Variants in ZNF407 observed in about 807,000 individuals in gnomAD.
The protein encoded by ZNF407 is zinc finger protein 407.
Under a neutral mutation model 131.2 loss-of-function variants are expected in ZNF407, and 17 were observed. The ratio of observed to expected loss-of-function variants is 0.13; its 90% confidence interval spans 0.09 to 0.19. The LOEUF (loss-of-function observed/expected upper bound fraction) is 0.19. ZNF407 is among the 10% of genes least tolerant of loss of function. The probability of loss-of-function intolerance (pLI) is 1.00; values close to 1 mark genes in which losing one functional copy is unlikely to be tolerated. For synonymous variants in ZNF407, 1,156 were observed against 1,062.0 expected (o/e 1.09, Z -1.72); for missense variants, 2,681 against 2,830.6 (o/e 0.95, Z 1.20).
intron 8 of ZNF407, among the ~76,000 whole-genome samples, chr18:74,973,337 C>G (rs1010029165): frequency 6.6e-6 from 1 of 152,102 alleles, no homozygotes; most frequent in Admixed American, 6.5e-5. Context: ...GCTTCAGTCA[C>G]CAAACATAAT....
chr18:74,791,328 G>C (rs1049674045), intron 4 of ZNF407, among the ~76,000 whole-genome samples: 10 of 152,184 alleles, frequency 6.6e-5, no homozygotes, highest in African/African-American at 2.4e-4. Flanking sequence ...ATATAGAAAT[G>C]CTTCTAGTAT....
chr18:74,767,742 C>T (rs1387215301), intron 3 of ZNF407, among the ~76,000 whole-genome samples: 1 of 148,590 alleles, frequency 6.7e-6, no homozygotes, highest in African/African-American at 2.5e-5. Flanking sequence ...CAAGCTCCGT[C>T]TCCCGGGTTC....
chr18:74,825,299 T>A (rs1195875079), intron 4 of ZNF407, among the ~76,000 whole-genome samples: 2 of 152,166 alleles, frequency 1.3e-5, no homozygotes, highest in Non-Finnish European at 1.5e-5. Context: ...GGATGCCCTC[T>A]CTCACCACTC....
intron 4 of ZNF407, among the ~76,000 whole-genome samples, chr18:74,873,446 G>A (rs901784010): frequency 1.3e-5 from 2 of 152,156 alleles, no homozygotes; most frequent in African/African-American, 4.8e-5. Flanking sequence ...GCCAGAGTCA[G>A]CCCACATTTA....
intron 3 of ZNF407, among the ~76,000 whole-genome samples, chr18:74,688,335 A>G (rs1398071796): frequency 1.3e-5 from 2 of 152,260 alleles, no homozygotes; most frequent in African/African-American, 2.4e-5. Context: ...GATGCAAAGT[A>G]TAAGATATCT....
intron 7 of ZNF407, among the ~76,000 whole-genome samples, chr18:74,906,892 G>A (rs550375824): frequency 6.6e-6 from 1 of 152,258 alleles, no homozygotes; most frequent in Non-Finnish European, 1.5e-5. Context: ...CATACTGTAT[G>A]TGTATACGTA....
chr18:74,636,238 G>A (rs937504434), intron 2 of ZNF407, among the ~76,000 whole-genome samples: 6 of 152,166 alleles, frequency 3.9e-5, no homozygotes, highest in African/African-American at 1.4e-4. Flanking sequence ...AACATGTGCT[G>A]GGGATCTGGT....
intron 8 of ZNF407, among the ~76,000 whole-genome samples, chr18:75,025,852 A>G (rs1973164868): frequency 6.6e-6 from 1 of 152,222 alleles, no homozygotes; most frequent in Non-Finnish European, 1.5e-5. Context: ...GGCCTCCTAA[A>G]TGAGATCTTA....
intron 3 of ZNF407, among the ~76,000 whole-genome samples, chr18:74,725,292 ACAC>A (rs1198285295): frequency 1.3e-5 from 2 of 152,232 alleles, no homozygotes; most frequent in East Asian, 3.9e-4. Flanking sequence ...ACACACCGCC[ACAC>A]CTAGACAATT....
At position 74,634,380 on chromosome 18, in the gene ZNF407, T is replaced by A; in HGVS notation, c.3361T>A (p.Ser1121Thr). 6.2e-7 allele frequency: 1 copy of A among 1,613,774 alleles called. No individual in the cohort carries two copies. Among genetic ancestry groups the A allele is most frequent in the Non-Finnish European group, 8.5e-7 (1 of 1,179,884 alleles). Residue 1121 changes from serine (S) to threonine (T), a missense_variant, in exon 2 of 9, where the codon TCT becomes ACT. This residue lies in a region of ZNF407 where 1,789 missense variants were observed against 1,748.7 expected (regional missense o/e 1.02). Transcript: ENST00000299687. Reference protein sequence around the residue: ...ISGQPSDTLKSRNAADCSILN... With the variant: ...ISGQPSDTLKTRNAADCSILN... Reference sequence around the variant, plus strand: ...AGGTCAACCATCTGATACTCTTAAATCTAGAAATGCTGCAGATTGCTCTAT... The same window carrying A: ...AGGTCAACCATCTGATACTCTTAAAACTAGAAATGCTGCAGATTGCTCTAT...
chr18:74,776,181 C>G (rs1007516620), intron 3 of ZNF407, among the ~76,000 whole-genome samples: 1 of 152,202 alleles, frequency 6.6e-6, no homozygotes, highest in African/African-American at 2.4e-5. Context: ...CTTAAGGGAA[C>G]CTGTTTGCCC....
At chr18:74,685,842 C>G (rs960481053) in intron 3 of ZNF407, among the ~76,000 whole-genome samples, 8 of 152,140 alleles carry the variant, frequency 5.3e-5, no homozygotes, top group African/African-American at 1.9e-4. Flanking sequence ...CTCCTGTTTC[C>G]CTTTGCCCCC....
chr18:74,741,875 GTTGGA>G (rs953162003), intron 3 of ZNF407, among the ~76,000 whole-genome samples: 35 of 152,084 alleles, frequency 2.3e-4, no homozygotes, highest in African/African-American at 5.6e-4. Context: ...AAGCTGCCCA[GTTGGA>G]TTTTACAATT....
intron 3 of ZNF407, among the ~76,000 whole-genome samples, chr18:74,738,513 G>T (rs1339974379): frequency 6.6e-6 from 1 of 151,052 alleles, no homozygotes; most frequent in Non-Finnish European, 1.5e-5. Context: ...GCCAAGGCGG[G>T]TGGATCACGA....
At chr18:74,864,144 T>C (rs918910413) in intron 4 of ZNF407, among the ~76,000 whole-genome samples, 2 of 152,120 alleles carry the variant, frequency 1.3e-5, no homozygotes, top group African/African-American at 4.8e-5. Flanking sequence ...GCCACATAGA[T>C]TGATTAGTTT....
At chr18:75,019,461 A>C (rs1973081510) in intron 8 of ZNF407, among the ~76,000 whole-genome samples, 1 of 152,158 alleles carries the variant, frequency 6.6e-6, no homozygotes, top group African/African-American at 2.4e-5. Flanking sequence ...CAAACATAGT[A>C]AATGGAAAAT....
intron 4 of ZNF407, among the ~76,000 whole-genome samples, chr18:74,867,799 T>A (rs1568247756): frequency 6.6e-6 from 1 of 152,226 alleles, no homozygotes; most frequent in Non-Finnish European, 1.5e-5. Context: ...TATAAATTCC[T>A]TACTAGGGCT....
chr18:75,043,558 C>T (rs995966453), intron 8 of ZNF407, among the ~76,000 whole-genome samples: 1 of 152,226 alleles, frequency 6.6e-6, no homozygotes, highest in African/African-American at 2.4e-5. Context: ...TCTGCACCAA[C>T]CCTCTGGTTT....
chr18:74,781,642 A>C, intron 4 of ZNF407, 140 bp downstream of exon 4: 1 of 594,348 alleles, frequency 1.7e-6, no homozygotes, highest in Non-Finnish European at 2.7e-6. Context: ...GTCAAATATC[A>C]TATTTTATGC....
Sources: allele counts gnomAD v4.1 joint callset (sites outside exome capture counted in the v4.1 genomes callset), GRCh38; gene constraint gnomAD v4.1.1; regional missense constraint gnomAD v4.1.1; transcripts MANE v1.5; gene names NCBI Gene and HGNC (gene_info 2026-07-23, HGNC 2026-07-21).